Variants in PDE1A observed in about 807,000 individuals in gnomAD.
The protein encoded by PDE1A is phosphodiesterase 1A, also known as dual specificity calcium/calmodulin-dependent 3',5'-cyclic nucleotide phosphodiesterase 1A.
PDE1A carries 35 observed loss-of-function variants against 61.7 expected under a neutral mutation model. The observed-to-expected ratio is 0.57, with a 90% CI of 0.43 to 0.75. The LOEUF (loss-of-function observed/expected upper bound fraction) is 0.75, where lower values mean the gene tolerates loss of function less well. PDE1A is among the 30% of genes least tolerant of loss of function. PDE1A has a pLI of 0.00. For synonymous variants in PDE1A, 232 were observed against 213.2 expected (o/e 1.09, Z -0.77); for missense variants, 597 against 630.6 (o/e 0.95, Z 0.57).
chr2:182,691,954 C>A, the PDE1A span, among the ~76,000 whole-genome samples: 1 of 152,230 alleles, frequency 6.6e-6, no homozygotes, highest in East Asian at 1.9e-4. Context: ...CAGATAAATG[C>A]AAATCAAAAC....
chr2:182,609,050 T>A, the PDE1A span, among the ~76,000 whole-genome samples: 1 of 152,240 alleles, frequency 6.6e-6, no homozygotes, highest in African/African-American at 2.4e-5. Context: ...AGAACCTTTA[T>A]GTCTAGCTAA....
chr2:182,482,850 C>A (rs1687789244), intron 2 of PDE1A, among the ~76,000 whole-genome samples: 1 of 151,876 alleles, frequency 6.6e-6, no homozygotes, highest in East Asian at 1.9e-4. Flanking sequence ...AGATTCCAAC[C>A]ATGTCAATTA....
In PDE1A at chr2:182,186,402, T is replaced by C. The variant is rs1240104090; in HGVS notation, c.1328+66A>G. The C allele has an allele frequency of 2.0e-6, 3 of 1,531,426 alleles. No homozygotes were observed. The African/African-American group carries it at 4.2e-5, about 21-fold the overall frequency. 94.9% of individuals were successfully genotyped at this position (1,531,426 alleles called of 1,614,324 possible). On this transcript the variant is annotated intron_variant, in intron 12 of 13. Transcript: ENST00000351439. ...CTCTGCCTAGATGTGAGAAATATAA[T>C]CATTAAGGAAAGTGTTACTAAACAC...
chr2:182,279,791 C>T (rs1402689226), intron 1 of PDE1A, among the ~76,000 whole-genome samples: 1 of 151,860 alleles, frequency 6.6e-6, no homozygotes, highest in East Asian at 1.9e-4. Flanking sequence ...TTAGCAGTTT[C>T]TTCATCCACT....
chr2:182,291,442 C>T (rs1694529749), intron 1 of PDE1A, among the ~76,000 whole-genome samples: 1 of 152,174 alleles, frequency 6.6e-6, no homozygotes, highest in Non-Finnish European at 1.5e-5. Flanking sequence ...GCACGTAGTG[C>T]ATATCTCTTT....
the PDE1A span, among the ~76,000 whole-genome samples, chr2:182,651,212 G>C: frequency 6.6e-6 from 1 of 152,092 alleles, no homozygotes; most frequent in East Asian, 1.9e-4. Flanking sequence ...TCACCATGTT[G>C]GCCAGCCTGG....
chr2:182,533,001 AC>A, the PDE1A span, among the ~76,000 whole-genome samples: 3 of 146,028 alleles, frequency 2.1e-5, no homozygotes, highest in Admixed American at 1.4e-4. Context: ...TGTAAATTAT[AC>A]CTCAATAAAG....
At chr2:182,686,066 A>G in the PDE1A span, among the ~76,000 whole-genome samples, 2 of 152,164 alleles carry the variant, frequency 1.3e-5, no homozygotes, top group African/African-American at 4.8e-5. Flanking sequence ...TATTTTATAT[A>G]CCCTTCTTTT....
rs565224689 is a variant in PDE1A at position 182,230,181 on chromosome 2, CAA to C, written c.535-37_535-36del. ...GTAATAATTATAATTATATTTTGAC[CAA>C]AAAAGTGGTACTAAATCAACCTGAG... On this transcript the variant is annotated intron_variant, in intron 5 of 13. Transcript: ENST00000351439. 16 of 1,569,544 alleles carry C rather than the reference CAA, an allele frequency of 1.0e-5. No individual in the cohort carries two copies. The African/African-American group carries it at 2.2e-4, about 21-fold the overall frequency.
chr2:182,561,872 T>C, the PDE1A span, among the ~76,000 whole-genome samples: 1 of 152,172 alleles, frequency 6.6e-6, no homozygotes, highest in South Asian at 2.1e-4. Flanking sequence ...GTTATTCGTG[T>C]ATAAGAATGC....
intron 2 of PDE1A, among the ~76,000 whole-genome samples, chr2:182,511,373 A>T (rs1443091229): frequency 6.6e-6 from 1 of 152,128 alleles, no homozygotes; most frequent in Non-Finnish European, 1.5e-5. Flanking sequence ...GCCAAGCACC[A>T]GGACTCATTC....
chr2:182,514,489 A>G (rs545603972), intron 2 of PDE1A, among the ~76,000 whole-genome samples: 30 of 152,316 alleles, frequency 2.0e-4, no homozygotes, highest in African/African-American at 7.2e-4. Flanking sequence ...ACATAGACCC[A>G]TGGAACAGAA....
chr2:182,163,459 G>C (rs534283039), downstream of PDE1A, among the ~76,000 whole-genome samples: 3 of 152,172 alleles, frequency 2.0e-5, no homozygotes, highest in South Asian at 6.2e-4. Context: ...ATGATATTAT[G>C]TTAATTGGAC....
chr2:182,522,208 C>A, intron 2 of PDE1A: 1 of 1,330,940 alleles, frequency 7.5e-7, no homozygotes, highest in East Asian at 2.3e-5. Context: ...AGGCGGATAG[C>A]ACCAACAATT....
the PDE1A span, among the ~76,000 whole-genome samples, chr2:182,697,366 T>C: frequency 6.6e-6 from 1 of 152,220 alleles, no homozygotes; most frequent in Admixed American, 6.5e-5. Flanking sequence ...ACAAATATGA[T>C]TCTAATTCTC....
At chr2:182,275,603 A>G (rs921756555) in intron 1 of PDE1A, among the ~76,000 whole-genome samples, 1 of 152,132 alleles carries the variant, frequency 6.6e-6, no homozygotes, top group African/African-American at 2.4e-5. Context: ...TAAGGTATTT[A>G]GTTCATCTTA....
intron 2 of PDE1A, among the ~76,000 whole-genome samples, chr2:182,452,962 C>G (rs911403265): frequency 6.6e-6 from 1 of 152,062 alleles, no homozygotes; most frequent in Non-Finnish European, 1.5e-5. Flanking sequence ...TGCACTTGCA[C>G]TTTTTTATTT....
chr2:182,239,535 T>C (rs1038199806), intron 3 of PDE1A, among the ~76,000 whole-genome samples: 1 of 152,094 alleles, frequency 6.6e-6, no homozygotes, highest in African/African-American at 2.4e-5. Flanking sequence ...GTGTTTCACA[T>C]TGAAAACTCT....
At chr2:182,678,084 T>A in the PDE1A span, among the ~76,000 whole-genome samples, 40,068 of 152,224 alleles carry the variant, frequency 0.26, 6,194 homozygotes, top group Admixed American at 0.42. Flanking sequence ...CTATCACAAG[T>A]ACTATTTCAG....
Sources: allele counts gnomAD v4.1 joint callset (sites outside exome capture counted in the v4.1 genomes callset), GRCh38; gene constraint gnomAD v4.1.1; transcripts MANE v1.5; gene names NCBI Gene and HGNC (gene_info 2026-07-23, HGNC 2026-07-21).